The following TMEM130 variants were observed in gnomAD, a reference collection of about 807,000 sequenced individuals.
The protein encoded by TMEM130 is transmembrane protein 130.
In TMEM130, 37 loss-of-function variants were observed where a neutral mutation model predicts 42.9. That is an observed-to-expected ratio of 0.86 (90% CI 0.66 to 1.13). The LOEUF is 1.13. Ranked by LOEUF, TMEM130 falls within the 50% of genes most tolerant of loss-of-function variation. TMEM130 has a pLI of 0.00. For missense variants in TMEM130, 545 were observed against 562.6 expected, an observed-to-expected ratio of 0.97 and a Z score of 0.32; for synonymous variants, 259 against 237.7, an observed-to-expected ratio of 1.09 and a Z score of -0.82.
At chr7:98,854,929 G>A (rs1019032893) in intron 5 of TMEM130, among the ~76,000 whole-genome samples, 20 of 152,118 alleles carry the variant, frequency 1.3e-4, no homozygotes, top group Admixed American at 4.6e-4. Context: ...CCAGCTAGTC[G>A]GGAGGCTGAG....
intron 6 of TMEM130, among the ~76,000 whole-genome samples, chr7:98,850,290 A>ATTTTTTTTTTTTTTTTTTTTTT (rs1584233268): frequency 5.5e-5 from 2 of 36,254 alleles, no homozygotes; most frequent in Non-Finnish European, 6.7e-5. Flanking sequence ...TTTTTTTTTA[A>ATTTTTTTTTTTTTTTTTTTTTT]TTTTTTGAGA....
At chr7:98,848,748 T>A in intron 6 of TMEM130, 53 bp from the exon 7 acceptor site, 1 of 1,238,840 alleles carries the variant, frequency 8.1e-7, no homozygotes, top group Non-Finnish European at 1.2e-6. Flanking sequence ...ACTACAGTGC[T>A]GGTTCTCAGG....
chr7:98,859,881 T>C (rs1420185038), intron 3 of TMEM130, among the ~76,000 whole-genome samples: 3 of 151,142 alleles, frequency 2.0e-5, no homozygotes, highest in Non-Finnish European at 1.5e-5. Flanking sequence ...TGAAACCCCA[T>C]CTCTACTAAA....
At chr7:98,851,323 G>T in intron 6 of TMEM130, 98 bp downstream of exon 6, 2 of 1,285,510 alleles carry the variant, frequency 1.6e-6, no homozygotes, top group South Asian at 1.3e-5. Context: ...GAGGACCTTG[G>T]TAAGGCTGGC....
At chr7:98,865,069 T>A (rs982592984) in intron 1 of TMEM130, among the ~76,000 whole-genome samples, 11 of 152,234 alleles carry the variant, frequency 7.2e-5, no homozygotes, top group Non-Finnish European at 1.5e-4. Flanking sequence ...ATTTCCATCA[T>A]CCCTGTGACC....
intron 3 of TMEM130, among the ~76,000 whole-genome samples, chr7:98,857,010 C>A (rs1794648917): frequency 6.6e-6 from 1 of 151,838 alleles, no homozygotes; most frequent in African/African-American, 2.4e-5. Context: ...AGTCTCTGAA[C>A]TCTTAGGCTC....
chr7:98,852,187 C>A (rs949961993), intron 5 of TMEM130, among the ~76,000 whole-genome samples: 6 of 152,060 alleles, frequency 3.9e-5, no homozygotes, highest in African/African-American at 1.4e-4. Flanking sequence ...GTTGCCCAGG[C>A]TGGAGTGCAA....
Position 98,863,109 on chromosome 7 carries a change from A to C in TMEM130, c.377T>G (p.Val126Gly), listed in dbSNP as rs782067448. 5.6e-6 allele frequency: 9 copies of C among 1,612,116 alleles called. No individual in the cohort carries two copies. The Admixed American group carries it at 8.3e-5, about 15-fold the overall frequency. ...MCQPVARGFVVLPITEFLVGD... is the reference protein window; with the variant it reads ...MCQPVARGFVGLPITEFLVGD... Reference sequence around the variant, plus strand: ...GCGACCCTCACCTGTGATGGGGAGGACCACAAAGCCCCTGGCCACAGGCTG... The same window carrying C: ...GCGACCCTCACCTGTGATGGGGAGGCCCACAAAGCCCCTGGCCACAGGCTG... Residue 126 changes from valine (V) to glycine (G), a missense_variant, in exon 2 of 8, where the codon GTC becomes GGC. Transcript: ENST00000339375.
chr7:98,862,361 CAG>C (rs1160649717), intron 2 of TMEM130, among the ~76,000 whole-genome samples: 27 of 149,074 alleles, frequency 1.8e-4, no homozygotes, highest in Admixed American at 1.3e-4. Context: ...AGAGAAGGGA[CAG>C]AGAGAGACAG....
intron 5 of TMEM130, among the ~76,000 whole-genome samples, chr7:98,855,035 CAAAT>C (rs1216675231): frequency 6.6e-6 from 1 of 152,164 alleles, no homozygotes; most frequent in Admixed American, 6.5e-5. Flanking sequence ...GACTCCGTCT[CAAAT>C]AAATAAATAA....
At position 98,869,216 on chromosome 7, in the gene TMEM130, G is replaced by GT. The variant is rs1554401014; in HGVS notation, c.85+560dup. The GT allele has an allele frequency of 7.8e-7, 1 of 1,288,948 alleles. No homozygotes were observed. The highest frequency in any genetic ancestry group is 5.6e-5 in the East Asian group (1 of 17,950). 79.8% of individuals were successfully genotyped at this position (1,288,948 alleles called of 1,614,324 possible). ...ACCCACACACACACCCCAGGAACCT[G>GT]TCAGCTCCGGGTCCATTTTGGAAAT... On this transcript the variant is annotated intron_variant, in intron 1 of 7. Transcript: ENST00000339375. This position sits in a 1 kb window ranked among gnomAD's most constrained non-coding sequence, Gnocchi z 4.7.
At chr7:98,864,577 C>T (rs1252045260) in intron 1 of TMEM130, among the ~76,000 whole-genome samples, 1 of 151,916 alleles carries the variant, frequency 6.6e-6, no homozygotes, top group Admixed American at 6.6e-5. Flanking sequence ...CTCCTCTCCT[C>T]ACTCCTCTCT....
At chr7:98,856,908 C>T (rs184481326) in intron 3 of TMEM130, among the ~76,000 whole-genome samples, 1 of 149,126 alleles carries the variant, frequency 6.7e-6, no homozygotes, top group African/African-American at 2.5e-5. Flanking sequence ...CTCTCTCTCC[C>T]TTTTTTTTTT....
In TMEM130 at chr7:98,851,534, G is replaced by A. The variant is rs148698491; in HGVS notation, c.893C>T (p.Ala298Val). 7.4e-5 allele frequency: 119 copies of A among 1,614,002 alleles called. No homozygotes were observed. Among genetic ancestry groups the A allele is most frequent in the Middle Eastern group, 1.6e-4 (1 of 6,084 alleles). The change falls in exon 6 of 8, where the codon GCG (alanine) becomes GTG (valine). Residue 298 changes from alanine to valine, a missense_variant. By Grantham distance (64) the Ala-to-Val change is moderately conservative (BLOSUM62 0). Coordinates refer to ENST00000339375, the MANE Select transcript of TMEM130 (RefSeq NM_152913.3). ...ECHPVSVASTAYNLTHTFRDP... is the reference protein window; with the variant it reads ...ECHPVSVASTVYNLTHTFRDP... ...CCTGAAGGTGTGGGTCAGGTTGTAC[G>A]CTGTGCTGGCCACGGACACAGGGTG...
Position 98,848,209 on chromosome 7 carries a change from CT to C in TMEM130, c.1120-2del. On this transcript the variant is annotated splice_acceptor_variant, in intron 7 of 7. Coordinates refer to ENST00000339375, the MANE Select transcript of TMEM130 (RefSeq NM_152913.3). LOFTEE classifies it high-confidence loss of function. ...TGACCCCAGAGGGTGGCTCCGGGTT[CT>C]TGTCAGACATGGGGGAAAAGTCAAA... The C allele has an allele frequency of 6.2e-7, 1 of 1,613,990 alleles. No individual in the cohort carries two copies. Among genetic ancestry groups the C allele is most frequent in the East Asian group, 2.2e-5 (1 of 44,866 alleles).
At chr7:98,850,546 T>G (rs1794475779) in intron 6 of TMEM130, among the ~76,000 whole-genome samples, 1 of 152,004 alleles carries the variant, frequency 6.6e-6, no homozygotes, top group South Asian at 2.1e-4. Flanking sequence ...CTCAAAGTGC[T>G]GCAATTACAG....
In TMEM130 at chr7:98,869,191, A is replaced by C. The variant is rs1221532733; in HGVS notation, c.85+586T>G. The stretch of plus-strand genomic sequence containing the variant: ...ACAACCCTGCTTCCCCCACTCCCCC[A>C]CCCACACACACACCCCAGGAACCTG... On this transcript the variant is annotated intron_variant, in intron 1 of 7. Coordinates refer to ENST00000339375, the MANE Select transcript of TMEM130 (RefSeq NM_152913.3). The surrounding 1 kb of genome is among the most constrained non-coding windows in gnomAD (Gnocchi z 4.7). The C allele has an allele frequency of 9.3e-6, 12 of 1,286,500 alleles. No individual in the cohort carries two copies. Among genetic ancestry groups the C allele is most frequent in the Non-Finnish European group, 1.1e-5 (11 of 987,592 alleles). The allele number at this position is 1,286,500 out of a possible 1,614,324, so 79.7% of individuals were successfully genotyped here.
At position 98,869,779 on chromosome 7, in the gene TMEM130, G is replaced by A; in HGVS notation, c.83C>T (p.Ala28Val). ...LLPWAPAGVA[A>V]GLYELNLTTD... ...GGCCGGATTGCCCAGCGCCTTACCT[G>A]CGGCCACCCCTGCCGGGGCCCAGGG... The change falls in exon 1 of 8, where the codon GCA becomes GTA. Residue 28 changes from alanine (A) to valine (V), a missense_variant and splice_region_variant. Coordinates refer to ENST00000339375, the MANE Select transcript of TMEM130 (RefSeq NM_152913.3). The surrounding 1 kb of genome is among the most constrained non-coding windows in gnomAD (Gnocchi z 4.7). The A allele has an allele frequency of 7.1e-7, 1 of 1,409,388 alleles. No homozygotes were observed. Among genetic ancestry groups the A allele is most frequent in the Non-Finnish European group, 9.2e-7 (1 of 1,084,062 alleles). 87.3% of individuals were successfully genotyped at this position (1,409,388 alleles called of 1,614,324 possible).
rs782697990 is a variant in TMEM130, at chr7:98,863,311, C to T, written c.175G>A (p.Gly59Ser). 2.3e-5 allele frequency: 37 copies of T among 1,612,774 alleles called. No individual in the cohort carries two copies. Among genetic ancestry groups the T allele is most frequent in the Non-Finnish European group, 3.0e-5 (35 of 1,179,972 alleles). Residue 59 changes from glycine (G) to serine (S), a missense_variant, in exon 2 of 8, where the codon GGC becomes AGC. By Grantham distance (56) the Gly-to-Ser change is moderately conservative (BLOSUM62 0). Coordinates refer to ENST00000339375, the MANE Select transcript of TMEM130 (RefSeq NM_152913.3). ...GCGTCAGCGGGCAGGGCCAGGCTGC[C>T]GTTGTCCTTGGCCACCAGGCTGGCC... ...ISASLVAKDN[G>S]SLALPADAHL...
Sources: allele counts gnomAD v4.1 joint callset (sites outside exome capture counted in the v4.1 genomes callset), GRCh38; gene constraint gnomAD v4.1.1; non-coding constraint Gnocchi (gnomAD v3.1); transcripts MANE v1.5; gene names NCBI Gene and HGNC (gene_info 2026-07-23, HGNC 2026-07-21).